TSPAN19: variants seen among roughly 807,000 people sequenced by gnomAD.
TSPAN19 encodes tetraspanin-19.
TSPAN19 carries 44 observed loss-of-function variants against 35.1 expected under a neutral mutation model. The observed-to-expected ratio is 1.25, with a 90% CI of 0.98 to 1.61. The LOEUF (loss-of-function observed/expected upper bound fraction) is 1.61. TSPAN19 is among the 40% of genes most tolerant of loss of function. The probability of loss-of-function intolerance (pLI) is 0.00; values close to 1 mark genes in which losing one functional copy is unlikely to be tolerated. For synonymous variants in TSPAN19, 79 were observed against 92.0 expected, an observed-to-expected ratio of 0.86 and a Z score of 0.81; for missense variants, 290 against 280.0, an observed-to-expected ratio of 1.04 and a Z score of -0.26.
At chr12:85,035,450 C>T (rs991865744) in intron 1 of TSPAN19, among the ~76,000 whole-genome samples, 2 of 151,992 alleles carry the variant, frequency 1.3e-5, no homozygotes, top group Non-Finnish European at 2.9e-5. Flanking sequence ...AACATGTGTG[C>T]TTTTAATATG....
chr12:85,022,366 T>C (rs1210730069), intron 5 of TSPAN19, among the ~76,000 whole-genome samples: 1 of 152,100 alleles, frequency 6.6e-6, no homozygotes, highest in Non-Finnish European at 1.5e-5. Flanking sequence ...ACAGAAAAGA[T>C]TGTTTTTGAA....
intron 5 of TSPAN19, among the ~76,000 whole-genome samples, chr12:85,021,742 T>C (rs1345207942): frequency 6.6e-6 from 1 of 152,126 alleles, no homozygotes; most frequent in African/African-American, 2.4e-5. Context: ...CCAGTTTGAA[T>C]GCAGAAGACA....
intron 1 of TSPAN19, chr12:85,035,162 G>A (rs1370956960): frequency 6.6e-6 from 1 of 152,194 alleles, no homozygotes. Flanking sequence ...GGAGGCCAAG[G>A]CGGGAGGATT....
chr12:85,029,702 C>G lies in TSPAN19; in HGVS notation c.139+17G>C, dbSNP rs976180906. 7 of 1,521,662 alleles carry G rather than the reference C, an allele frequency of 4.6e-6. No individual in the cohort carries two copies. In the East Asian group the frequency reaches 1.7e-4, roughly 38 times the overall value. The allele number at this position is 1,521,662 out of a possible 1,614,324, so 94.3% of individuals were successfully genotyped here. A position where few individuals can be genotyped will look rare whatever the true frequency, so the allele number is the denominator to read the frequency against. On this transcript the variant is annotated intron_variant, in intron 3 of 8. Transcript: ENST00000532498. ...AATGTCTATTTCACTGAGAGAAAAA[C>G]AAAAATAGATACATACCAAAAGCTG...
At chr12:85,033,193 A>C (rs896672125) in intron 1 of TSPAN19, among the ~76,000 whole-genome samples, 4 of 152,098 alleles carry the variant, frequency 2.6e-5, no homozygotes, top group African/African-American at 9.6e-5. Context: ...TAAAAATGGG[A>C]GAGAGATAGG....
chr12:85,019,836 T>C (rs1877026655), intron 5 of TSPAN19, 100 bp from the exon 6 acceptor site: 1 of 565,648 alleles, frequency 1.8e-6, no homozygotes, highest in Admixed American at 3.5e-5. Flanking sequence ...ATGAAAAGAA[T>C]ATTCAATATT....
intron 6 of TSPAN19, among the ~76,000 whole-genome samples, chr12:85,017,865 T>C (rs949098786): frequency 4.0e-5 from 6 of 151,838 alleles, no homozygotes; most frequent in African/African-American, 1.2e-4. Flanking sequence ...TTATCCAGGA[T>C]AGAAGATATA....
At chr12:85,015,830 C>A in intron 8 of TSPAN19, 58 bp downstream of exon 8, 1 of 1,272,766 alleles carries the variant, frequency 7.9e-7, no homozygotes, top group Non-Finnish European at 1.1e-6. Flanking sequence ...GCTCTGCAGT[C>A]TATTCTGTAT....
At chr12:85,024,181 A>C (rs1877274476) in intron 4 of TSPAN19, among the ~76,000 whole-genome samples, 1 of 152,144 alleles carries the variant, frequency 6.6e-6, no homozygotes, top group Non-Finnish European at 1.5e-5. Flanking sequence ...TGAAAGCCAG[A>C]GTTGTTGCCA....
intron 5 of TSPAN19, among the ~76,000 whole-genome samples, chr12:85,021,633 C>A (rs1169219847): frequency 6.6e-6 from 1 of 152,056 alleles, no homozygotes; most frequent in African/African-American, 2.4e-5. Flanking sequence ...TATGCTTACT[C>A]AAATTTGGTA....
chr12:85,023,411 A>G lies in TSPAN19; in HGVS notation c.265-11T>C, dbSNP rs1411429902. 2 of 1,554,512 alleles carry G rather than the reference A, an allele frequency of 1.3e-6. No homozygotes were observed. Among genetic ancestry groups the G allele is most frequent in the Non-Finnish European group, 1.7e-6 (2 of 1,144,984 alleles). On this transcript the variant is annotated splice_polypyrimidine_tract_variant and intron_variant, in intron 4 of 8. Transcript: ENST00000532498. ...TATCAATACTGCATACTAAAACAAA[A>G]GAAAAATAGAGATGATGACTATGCT...
chr12:85,035,952 T>C (rs994216974), intron 1 of TSPAN19, among the ~76,000 whole-genome samples: 5 of 152,106 alleles, frequency 3.3e-5, no homozygotes, highest in African/African-American at 1.2e-4. Flanking sequence ...TTTAAAAAAC[T>C]GTTGTCATGG....
intron 5 of TSPAN19, 72 bp from the exon 6 acceptor site, chr12:85,019,808 TTCC>T: frequency 1.3e-6 from 1 of 753,538 alleles, no homozygotes. Flanking sequence ...AAATTGATGG[TTCC>T]TCAAGAGTAC....
At chr12:85,029,332 G>T (rs905503862) in intron 3 of TSPAN19, among the ~76,000 whole-genome samples, 2 of 151,976 alleles carry the variant, frequency 1.3e-5, no homozygotes, top group African/African-American at 4.8e-5. Context: ...ACTAATAATT[G>T]TACATATTCA....
chr12:85,035,226 C>G (rs1877908354), intron 1 of TSPAN19: 1 of 151,872 alleles, frequency 6.6e-6, no homozygotes, highest in Non-Finnish European at 1.5e-5. Context: ...CCACTGCACT[C>G]CAGCCTGGGC....
At chr12:85,016,363 A>T (rs948155224) in intron 7 of TSPAN19, 3 of 155,268 alleles carry the variant, frequency 1.9e-5, no homozygotes, top group Non-Finnish European at 4.3e-5. Context: ...TCCTATAGAA[A>T]CATATATATA....
In TSPAN19 at chr12:85,023,411, A is replaced by C; in HGVS notation, c.265-11T>G. 6.4e-7 allele frequency: 1 copy of C among 1,554,512 alleles called. No individual in the cohort carries two copies. The highest frequency in any genetic ancestry group is 1.4e-5 in the African/African-American group (1 of 73,724). On this transcript the variant is annotated splice_polypyrimidine_tract_variant and intron_variant, in intron 4 of 8. Transcript: ENST00000532498. Reference sequence around the variant, plus strand: ...TATCAATACTGCATACTAAAACAAAAGAAAAATAGAGATGATGACTATGCT... The same window carrying C: ...TATCAATACTGCATACTAAAACAAACGAAAAATAGAGATGATGACTATGCT...
At chr12:85,030,352 T>C (rs544158563) in intron 1 of TSPAN19, among the ~76,000 whole-genome samples, 6 of 152,258 alleles carry the variant, frequency 3.9e-5, no homozygotes, top group African/African-American at 1.4e-4. Flanking sequence ...AACCATTAGA[T>C]AGCCAGGAAC....
chr12:85,021,229 A>G (rs1339320940), intron 5 of TSPAN19, among the ~76,000 whole-genome samples: 12 of 151,972 alleles, frequency 7.9e-5, no homozygotes, highest in Admixed American at 6.6e-5. Flanking sequence ...TGAGACTTTT[A>G]AATATAATCA....
Sources: allele counts gnomAD v4.1 joint callset (sites outside exome capture counted in the v4.1 genomes callset), GRCh38; gene constraint gnomAD v4.1.1; transcripts MANE v1.5; gene names NCBI Gene and HGNC (gene_info 2026-07-23, HGNC 2026-07-21).